The following COL26A1 variants were observed in gnomAD, a reference collection of about 807,000 sequenced individuals.
COL26A1 encodes collagen alpha-1(XXVI) chain.
A neutral mutation model predicts 59.3 loss-of-function variants in COL26A1; 41 were observed. That is an observed-to-expected ratio of 0.69 (90% CI 0.54 to 0.90). COL26A1 has a LOEUF of 0.90. Among genes scored for constraint, COL26A1 ranks in the 40% least tolerant of loss-of-function variants. COL26A1 has a pLI of 0.00. For missense variants in COL26A1, 612 were observed against 602.3 expected, an observed-to-expected ratio of 1.02 and a Z score of -0.17; for synonymous variants, 266 against 256.0, an observed-to-expected ratio of 1.04 and a Z score of -0.37.
intron 1 of COL26A1, among the ~76,000 whole-genome samples, chr7:101,388,535 TCCTC>T (rs1791646738): frequency 6.6e-6 from 1 of 150,934 alleles, no homozygotes; most frequent in Non-Finnish European, 1.5e-5. Context: ...TGCATTTCTG[TCCTC>T]CCCTGGCCCC....
intron 2 of COL26A1, among the ~76,000 whole-genome samples, chr7:101,432,042 C>T (rs1168465009): frequency 1.3e-5 from 2 of 149,058 alleles, no homozygotes; most frequent in Non-Finnish European, 3.0e-5. Flanking sequence ...CTCACTGTAA[C>T]AGTTGCCTCC....
intron 3 of COL26A1, among the ~76,000 whole-genome samples, chr7:101,475,715 G>T (rs1794016062): frequency 6.6e-6 from 1 of 151,860 alleles, no homozygotes; most frequent in Non-Finnish European, 1.5e-5. Context: ...GATGATGCAT[G>T]ATTCTGTGGT....
At chr7:101,406,477 G>T (rs1236364069) in intron 1 of COL26A1, among the ~76,000 whole-genome samples, 1 of 152,182 alleles carries the variant, frequency 6.6e-6, no homozygotes, top group Non-Finnish European at 1.5e-5. Flanking sequence ...GTGCCAATTT[G>T]CTCGATGGCA....
chr7:101,381,868 G>A (rs1562955713), intron 1 of COL26A1, among the ~76,000 whole-genome samples: 3 of 152,064 alleles, frequency 2.0e-5, no homozygotes, highest in Admixed American at 2.0e-4. Context: ...ACACACAAAC[G>A]GAGATGAAAA....
chr7:101,448,274 G>A (rs1793249192), intron 3 of COL26A1, among the ~76,000 whole-genome samples: 1 of 152,190 alleles, frequency 6.6e-6, no homozygotes, highest in Non-Finnish European at 1.5e-5. Context: ...TGCCCTGTTG[G>A]TGTTTAGCCC....
chr7:101,529,711 A>G lies in COL26A1; in HGVS notation c.386-3371A>G, dbSNP rs548262893. On this transcript the variant is annotated intron_variant, in intron 3 of 12. Transcript: ENST00000313669. ...CTGCTTCTGAGTTTGTTCGCTCAGA[A>G]TGACAACCTCCAGCTGCGTCCATGT... Among the ~76,000 whole-genome samples, 4 of 152,348 alleles carry G rather than the reference A, an allele frequency of 2.6e-5. No individual in the cohort carries two copies. The South Asian group carries it at 6.2e-4, about 24-fold the overall frequency.
In COL26A1 at chr7:101,363,088, T is replaced by C; in HGVS notation, c.56T>C (p.Leu19Pro). 1 of 1,574,704 alleles carries C rather than the reference T, an allele frequency of 6.4e-7. No individual in the cohort carries two copies. The highest frequency in any genetic ancestry group is 8.6e-7 in the Non-Finnish European group (1 of 1,168,966). Residue 19 changes from leucine (L) to proline (P), a missense_variant, in exon 1 of 13, where the codon CTG becomes CCG. Coordinates refer to ENST00000313669, the MANE Select transcript of COL26A1 (RefSeq NM_001278563.3). ...WACCCLCGSALATGFLYPFSA... is the reference protein window; with the variant it reads ...WACCCLCGSAPATGFLYPFSA... ...TGTTGCTGCCTCTGCGGGTCGGCGC[T>C]GGCCACCGGCTTCCTCTATCCCTTC... is the stretch of plus-strand genomic sequence containing the variant.
intron 6 of COL26A1, among the ~76,000 whole-genome samples, chr7:101,544,977 G>A (rs543536976): frequency 6.6e-6 from 1 of 152,292 alleles, no homozygotes; most frequent in Non-Finnish European, 1.5e-5. Flanking sequence ...CCCTGGTTCA[G>A]CAGGTACAGG....
chr7:101,489,921 GTC>G (rs1328632188), intron 3 of COL26A1, among the ~76,000 whole-genome samples: 2 of 43,444 alleles, frequency 4.6e-5, no homozygotes, highest in African/African-American at 1.7e-4. Context: ...TTTCTTTCTT[GTC>G]TCTCTCTCTC....
intron 3 of COL26A1, among the ~76,000 whole-genome samples, chr7:101,531,454 C>T (rs1016060901): frequency 6.6e-6 from 1 of 152,178 alleles, no homozygotes; most frequent in Non-Finnish European, 1.5e-5. Flanking sequence ...AGTGTTTATA[C>T]CTCAGTCTTC....
At chr7:101,480,802 C>T (rs779718700) in intron 3 of COL26A1, among the ~76,000 whole-genome samples, 1 of 152,156 alleles carries the variant, frequency 6.6e-6, no homozygotes, top group Non-Finnish European at 1.5e-5. Context: ...TGTACCTGGC[C>T]TTCCCTGGTG....
intron 2 of COL26A1, among the ~76,000 whole-genome samples, chr7:101,433,450 C>CAGG (rs1437220869): frequency 1.2e-4 from 18 of 152,160 alleles, no homozygotes; most frequent in African/African-American, 4.1e-4. Flanking sequence ...GGAGGGGAGG[C>CAGG]AGGTGTCCTC....
chr7:101,458,651 C>CAAAAA (rs34462051), intron 3 of COL26A1, among the ~76,000 whole-genome samples: 1 of 148,024 alleles, frequency 6.8e-6, no homozygotes, highest in Non-Finnish European at 1.5e-5. Context: ...ACTCTGTCTC[C>CAAAAA]AAAAAAAAAA....
intron 2 of COL26A1, among the ~76,000 whole-genome samples, chr7:101,446,514 G>A (rs965366731): frequency 6.6e-6 from 1 of 152,188 alleles, no homozygotes; most frequent in Non-Finnish European, 1.5e-5. Flanking sequence ...CTTGCCTGCT[G>A]CTTAGACACA....
At chr7:101,400,760 T>C (rs1350755711) in intron 1 of COL26A1, among the ~76,000 whole-genome samples, 2 of 152,068 alleles carry the variant, frequency 1.3e-5, no homozygotes, top group Non-Finnish European at 2.9e-5. Flanking sequence ...GGTTTCACCA[T>C]GTTGGCCAGG....
chr7:101,465,777 C>T (rs1793745605), intron 3 of COL26A1, among the ~76,000 whole-genome samples: 1 of 151,966 alleles, frequency 6.6e-6, no homozygotes, highest in African/African-American at 2.4e-5. Flanking sequence ...GACATCAGGC[C>T]CCTTCCCATG....
chr7:101,525,549 T>G lies in COL26A1; in HGVS notation c.386-7533T>G, dbSNP rs868720047. Reference sequence around the variant, plus strand: ...TCTCTCTCTGTCACCCAGGCTGGAGTGCAGTGGCATGATCTTGGCTCACTG... The same window carrying G: ...TCTCTCTCTGTCACCCAGGCTGGAGGGCAGTGGCATGATCTTGGCTCACTG... On this transcript the variant is annotated intron_variant, in intron 3 of 12. Coordinates refer to ENST00000313669, the MANE Select transcript of COL26A1 (RefSeq NM_001278563.3). 3.5e-4 allele frequency among the ~76,000 whole-genome samples: 53 copies of G among 149,588 alleles called. 1 individual carries two copies. The highest frequency in any genetic ancestry group is 6.9e-3 in the Middle Eastern group (2 of 288).
chr7:101,491,951 T>C (rs916911307), intron 3 of COL26A1, among the ~76,000 whole-genome samples: 2 of 152,178 alleles, frequency 1.3e-5, no homozygotes, highest in African/African-American at 4.8e-5. Flanking sequence ...TTGGAGGACC[T>C]GGCATTTGGG....
chr7:101,526,760 C>T (rs1315567221), intron 3 of COL26A1, among the ~76,000 whole-genome samples: 3 of 152,018 alleles, frequency 2.0e-5, no homozygotes, highest in Non-Finnish European at 4.4e-5. Context: ...AGTGAGAGGC[C>T]GAGGAGGAGG....
Sources: gnomAD v4.1 joint callset for allele counts (sites outside exome capture counted in the v4.1 genomes callset) on GRCh38, gnomAD v4.1.1 for gene constraint, MANE v1.5 for transcripts, NCBI Gene and HGNC (gene_info 2026-07-23, HGNC 2026-07-21) for gene names.